MARCHF7: variants seen among roughly 807,000 people sequenced by gnomAD.
The protein encoded by MARCHF7 is E3 ubiquitin-protein ligase MARCHF7.
In MARCHF7, 20 loss-of-function variants were observed where a neutral mutation model predicts 76.5. That is an observed-to-expected ratio of 0.26 (90% CI 0.18 to 0.38). The LOEUF (loss-of-function observed/expected upper bound fraction) is 0.38, where lower values mean the gene tolerates loss of function less well. Among genes scored for constraint, MARCHF7 ranks in the 10% least tolerant of loss-of-function variants. The pLI is 1.00. For synonymous variants in MARCHF7, 295 were observed against 293.0 expected (o/e 1.01, Z -0.07); for missense variants, 797 against 812.9 (o/e 0.98, Z 0.24).
At position 159,767,396 on chromosome 2, in the gene MARCHF7, C is replaced by T; in HGVS notation, c.*54C>T. On this transcript the variant is annotated 3_prime_UTR_variant, in exon 12 of 12. Coordinates refer to ENST00000409175, the MANE Select transcript of MARCHF7 (RefSeq NM_001282805.2). ...GAACATAAGTGTTTATTAAAAATGG[C>T]AATTAAATATAAATTACTTTTGTGG... The T allele has an allele frequency of 7.4e-7, 1 of 1,343,860 alleles. No individual in the cohort carries two copies. The allele number at this position is 1,343,860 out of a possible 1,614,324, so 83.2% of individuals were successfully genotyped here.
At chr2:159,749,327 GGTT>G (rs1453243457) in intron 7 of MARCHF7, among the ~76,000 whole-genome samples, 8 of 151,596 alleles carry the variant, frequency 5.3e-5, no homozygotes, top group Non-Finnish European at 1.2e-4. Flanking sequence ...AAATCTGAAG[GGTT>G]GTTTTGTTTT....
intron 4 of MARCHF7, among the ~76,000 whole-genome samples, chr2:159,734,276 A>G (rs1360020812): frequency 6.6e-6 from 1 of 151,558 alleles, no homozygotes; most frequent in Non-Finnish European, 1.5e-5. Context: ...TAATTTTAAA[A>G]GGAGGCTTTT....
At position 159,715,385 on chromosome 2, in the gene MARCHF7, G is replaced by C. The variant is rs570139653; in HGVS notation, c.-100-296G>C. 4.6e-5 allele frequency among the ~76,000 whole-genome samples: 7 copies of C among 151,998 alleles called. No individual in the cohort carries two copies. In the East Asian group the frequency reaches 1.4e-3, roughly 29 times the overall value. ...GGGGGGGTAATAATTTTGTGTGTGTGAGTGTGTGACAGGGTCTCACTCTGT... is the reference window on the plus strand; with the variant it reads ...GGGGGGGTAATAATTTTGTGTGTGTCAGTGTGTGACAGGGTCTCACTCTGT... On this transcript the variant is annotated intron_variant, in intron 2 of 11. Coordinates refer to ENST00000409175, the MANE Select transcript of MARCHF7 (RefSeq NM_001282805.2).
rs769616934 is a variant in MARCHF7 at position 159,748,581 on chromosome 2, G to A, written c.1291G>A (p.Val431Met). 5.6e-6 allele frequency: 9 copies of A among 1,614,228 alleles called. No homozygotes were observed. In the Admixed American group the frequency reaches 1.2e-4, roughly 21 times the overall value. Residue 431 changes from valine to methionine, a missense_variant, in exon 7 of 12, where the codon GTG (valine) becomes ATG (methionine). Transcript: ENST00000409175. ...TATTTTTAGAAGAGAATCAAATGAA[G>A]TGGTTCACCTTGAAGCACAGAATGA... is the stretch of plus-strand genomic sequence containing the variant. Reference protein sequence around the residue: ...SHIFRRESNEVVHLEAQNDPL... With the variant: ...SHIFRRESNEMVHLEAQNDPL...
chr2:159,766,973 G>A (rs1213706076), intron 11 of MARCHF7, among the ~76,000 whole-genome samples: 2 of 152,074 alleles, frequency 1.3e-5, no homozygotes, highest in Admixed American at 1.3e-4. Flanking sequence ...TATATCATTA[G>A]CTACTATGAA....
chr2:159,722,811 G>A (rs1701777848), intron 3 of MARCHF7, among the ~76,000 whole-genome samples: 1 of 152,188 alleles, frequency 6.6e-6, no homozygotes, highest in Non-Finnish European at 1.5e-5. Flanking sequence ...ATGTAGAGGA[G>A]TTGCCAAAAA....
At chr2:159,724,733 G>A (rs934462936) in intron 3 of MARCHF7, among the ~76,000 whole-genome samples, 2 of 152,098 alleles carry the variant, frequency 1.3e-5, no homozygotes, top group African/African-American at 4.8e-5. Context: ...TGCACAACAT[G>A]CAGATTTGTT....
At chr2:159,723,175 C>G (rs1397735369) in intron 3 of MARCHF7, among the ~76,000 whole-genome samples, 2 of 152,082 alleles carry the variant, frequency 1.3e-5, no homozygotes, top group African/African-American at 4.8e-5. Context: ...CATTAATATT[C>G]TTTTCTCTAA....
intron 3 of MARCHF7, among the ~76,000 whole-genome samples, chr2:159,720,468 G>C (rs1243018002): frequency 6.6e-6 from 1 of 152,114 alleles, no homozygotes; most frequent in Non-Finnish European, 1.5e-5. Flanking sequence ...TTCCTTGCCT[G>C]TATTTTTCAA....
chr2:159,743,128 A>C lies in MARCHF7; in HGVS notation c.221A>C (p.Gln74Pro), dbSNP rs145980311. Reference sequence around the variant, plus strand: ...TGGTATAGTGAATCTGAGATAACTCAGGGAGCACGCTCAAGATCGCAGAAC... The same window carrying C: ...TGGTATAGTGAATCTGAGATAACTCCGGGAGCACGCTCAAGATCGCAGAAC... The part of the protein sequence containing the change: ...SAWYSESEIT[Q>P]GARSRSQNQQ... Residue 74 changes from glutamine to proline, a missense_variant, in exon 5 of 12, where the codon CAG becomes CCG. This residue lies in a region of MARCHF7 where 643 missense variants were observed against 631.5 expected (regional missense o/e 1.02). Transcript: ENST00000409175. 2.4e-5 allele frequency: 38 copies of C among 1,614,130 alleles called. No homozygotes were observed. The African/African-American group carries it at 3.7e-4, about 16-fold the overall frequency.
rs750655907 is a variant in MARCHF7, at chr2:159,745,851, G to A, written c.428G>A (p.Arg143Lys). 5.6e-6 allele frequency: 9 copies of A among 1,612,560 alleles called. No homozygotes were observed. The change falls in exon 6 of 12, where the codon AGG becomes AAG. Residue 143 changes from arginine to lysine, a missense_variant. Around this residue, in one of 3 missense-constraint regions of MARCHF7, gnomAD observed 643 missense variants for 631.5 expected, o/e 1.02. Coordinates refer to ENST00000409175, the MANE Select transcript of MARCHF7 (RefSeq NM_001282805.2). Reference sequence around the variant, plus strand: ...TTTGGAACAGACTTAATGAGAGAGAGGAGAGATTTGGAGAGAAGAACAGAT... The same window carrying A: ...TTTGGAACAGACTTAATGAGAGAGAAGAGAGATTTGGAGAGAAGAACAGAT... The part of the protein sequence containing the change: ...GSFGTDLMRE[R>K]RDLERRTDSS...
intron 8 of MARCHF7, among the ~76,000 whole-genome samples, chr2:159,758,199 A>C (rs1416642061): frequency 6.6e-6 from 1 of 152,216 alleles, no homozygotes; most frequent in African/African-American, 2.4e-5. Flanking sequence ...ATAAACAAAC[A>C]AAGGAAAAGG....
chr2:159,735,060 G>A (rs1703289857), intron 4 of MARCHF7, among the ~76,000 whole-genome samples: 1 of 152,190 alleles, frequency 6.6e-6, no homozygotes, highest in Admixed American at 6.5e-5. Flanking sequence ...GGAGTGACAT[G>A]AGTTTCTTCT....
chr2:159,729,752 A>G (rs10171236), intron 4 of MARCHF7, among the ~76,000 whole-genome samples: 65,498 of 146,264 alleles, frequency 0.45, 16,290 homozygotes, highest in African/African-American at 0.69. Flanking sequence ...AAACTGGTCA[A>G]TCAATGTGAA....
At chr2:159,758,215 A>G (rs1205397492) in intron 8 of MARCHF7, among the ~76,000 whole-genome samples, 2 of 152,240 alleles carry the variant, frequency 1.3e-5, no homozygotes, top group Admixed American at 6.5e-5. Flanking sequence ...AAAGGCAGAA[A>G]GAACCTACAA....
chr2:159,731,208 C>T (rs994469660), intron 4 of MARCHF7, among the ~76,000 whole-genome samples: 17 of 152,060 alleles, frequency 1.1e-4, no homozygotes, highest in Non-Finnish European at 2.4e-4. Flanking sequence ...CTTTTTGTAT[C>T]ACCTACTTTA....
intron 3 of MARCHF7, among the ~76,000 whole-genome samples, chr2:159,728,621 G>A (rs1421950019): frequency 6.6e-6 from 1 of 152,206 alleles, no homozygotes; most frequent in Non-Finnish European, 1.5e-5. Context: ...AGAACATAGT[G>A]TGTTAAGGGG....
intron 11 of MARCHF7, among the ~76,000 whole-genome samples, chr2:159,765,979 C>G (rs140011262): frequency 6.6e-6 from 1 of 151,866 alleles, no homozygotes; most frequent in Non-Finnish European, 1.5e-5. Flanking sequence ...GTATGTTTTC[C>G]CCAGATTTCT....
chr2:159,743,198 A>G lies in MARCHF7; in HGVS notation c.291A>G (p.Thr97=), dbSNP rs1280249959. ...HDSKRPKLSC[T]NCTTSAGRNV... is the part of the protein sequence containing the mutation. ...CAAAAAGACCTAAACTTTCCTGTAC[A>G]AACTGTACTACCTCAGCTGGGAGAA... Residue 97 remains threonine (T), a synonymous_variant, in exon 5 of 12, where the codon ACA becomes ACG. Transcript: ENST00000409175. The G allele has an allele frequency of 6.2e-7, 1 of 1,614,246 alleles. No homozygotes were observed. The highest frequency in any genetic ancestry group is 8.5e-7 in the Non-Finnish European group (1 of 1,180,036).
Sources: gnomAD v4.1 joint callset for allele counts (sites outside exome capture counted in the v4.1 genomes callset) on GRCh38, gnomAD v4.1.1 for gene constraint, gnomAD v4.1.1 regional missense constraint, MANE v1.5 for transcripts, NCBI Gene and HGNC (gene_info 2026-07-23, HGNC 2026-07-21) for gene names.